GRIK1: variants seen among roughly 807,000 people sequenced by gnomAD.
The protein encoded by GRIK1 is glutamate receptor ionotropic, kainate 1.
GRIK1 carries 69 observed loss-of-function variants against 105.7 expected under a neutral mutation model. That is an observed-to-expected ratio of 0.65 (90% CI 0.54 to 0.80). GRIK1 has a LOEUF of 0.80. Among genes scored for constraint, GRIK1 ranks in the 30% least tolerant of loss-of-function variants. The pLI, the probability that GRIK1 is intolerant of heterozygous loss-of-function variation, is 0.00. For missense variants in GRIK1, 1,109 were observed against 1,167.3 expected, an observed-to-expected ratio of 0.95 and a Z score of 0.73; for synonymous variants, 438 against 431.3, an observed-to-expected ratio of 1.02 and a Z score of -0.19.
At chr21:29,631,253 A>G (rs1183578046) in intron 7 of GRIK1, among the ~76,000 whole-genome samples, 1 of 152,192 alleles carries the variant, frequency 6.6e-6, no homozygotes, top group Non-Finnish European at 1.5e-5. Context: ...CCCCACATTT[A>G]TATGTTGAAG....
chr21:29,914,654 G>A (rs1276233655), intron 1 of GRIK1, among the ~76,000 whole-genome samples: 1 of 152,098 alleles, frequency 6.6e-6, no homozygotes, highest in Non-Finnish European at 1.5e-5. Context: ...TAGAAGTCAA[G>A]TATGCTCATA....
intron 6 of GRIK1, among the ~76,000 whole-genome samples, chr21:29,643,185 C>A (rs2062549891): frequency 6.6e-6 from 1 of 150,994 alleles, no homozygotes; most frequent in Admixed American, 6.6e-5. Context: ...TGCTTCGTTT[C>A]AAGTTCTTTA....
chr21:29,620,741 A>G lies in GRIK1; in HGVS notation c.1099-21804T>C, dbSNP rs572084043. On this transcript the variant is annotated intron_variant, in intron 7 of 17. Transcript: ENST00000327783. ...CAGGATGTGTTTTACCTTCTTCTCT[A>G]GTCTAAGTTACATAAATGGTATGAA... Among the ~76,000 whole-genome samples the G allele has an allele frequency of 2.7e-4, 40 of 146,262 alleles. No individual in the cohort carries two copies. In the South Asian group the frequency reaches 8.6e-3, roughly 31 times the overall value.
chr21:29,650,234 A>G (rs1461421374), intron 6 of GRIK1, among the ~76,000 whole-genome samples: 4 of 151,488 alleles, frequency 2.6e-5, no homozygotes, highest in Admixed American at 6.6e-5. Flanking sequence ...GAAAAAGGGG[A>G]AAAAAATCCC....
chr21:29,597,537 T>G (rs1175152566), intron 8 of GRIK1: 2 of 299,648 alleles, frequency 6.7e-6, no homozygotes, highest in African/African-American at 2.2e-5. Flanking sequence ...TTTTAGATCA[T>G]AACAAGTATT....
chr21:29,667,894 C>T (rs2063090913), intron 4 of GRIK1, among the ~76,000 whole-genome samples: 1 of 152,194 alleles, frequency 6.6e-6, no homozygotes, highest in Admixed American at 6.5e-5. Context: ...AGTGAAATCA[C>T]AGGCTCAAAT....
intron 1 of GRIK1, among the ~76,000 whole-genome samples, chr21:29,880,702 C>T (rs2069375682): frequency 6.6e-6 from 1 of 151,516 alleles, no homozygotes; most frequent in Non-Finnish European, 1.5e-5. Flanking sequence ...AGTGTCTTTT[C>T]ACATATGATA....
At position 29,897,352 on chromosome 21, in the gene GRIK1, G is replaced by A. The variant is rs139359939; in HGVS notation, c.118+42031C>T. On this transcript the variant is annotated intron_variant, in intron 1 of 17. Transcript: ENST00000327783. The stretch of plus-strand genomic sequence containing the variant: ...GAAATTGACATGGAATGATCCTGAC[G>A]TTGAAATATTATCTTAAAATCTTGA... 2.5e-3 allele frequency among the ~76,000 whole-genome samples: 386 copies of A among 152,264 alleles called. 1 individual carries two copies. The highest frequency in any genetic ancestry group is 9.0e-3 in the African/African-American group (373 of 41,560).
At chr21:29,765,830 G>A (rs1307204273) in intron 1 of GRIK1, among the ~76,000 whole-genome samples, 1 of 151,682 alleles carries the variant, frequency 6.6e-6, no homozygotes, top group Non-Finnish European at 1.5e-5. Context: ...GTTCTTGTCA[G>A]CTTAAATTTT....
chr21:29,620,525 C>A (rs891506504), intron 7 of GRIK1, among the ~76,000 whole-genome samples: 1 of 151,994 alleles, frequency 6.6e-6, no homozygotes, highest in Non-Finnish European at 1.5e-5. Flanking sequence ...CAAAGCACTT[C>A]GTTAGACTTG....
chr21:29,653,176 A>G (rs1322986117), intron 5 of GRIK1, among the ~76,000 whole-genome samples: 1 of 152,226 alleles, frequency 6.6e-6, no homozygotes, highest in Non-Finnish European at 1.5e-5. Context: ...GACCCAGGCA[A>G]AAATGAGTCC....
In GRIK1 at chr21:29,561,357, TG is replaced by T. The variant is rs146367687; in HGVS notation, c.2356+266del. On this transcript the variant is annotated intron_variant, in intron 15 of 17. Transcript: ENST00000327783. ...AGAAATATATTCTCTTTAAGATATT[TG>T]GGGTGAAATAATAAAATCTATATAT... 3.8e-3 allele frequency among the ~76,000 whole-genome samples: 573 copies of T among 152,302 alleles called. 9 individuals are homozygous for T. The highest frequency in any genetic ancestry group is 0.013 in the African/African-American group (539 of 41,556).
intron 1 of GRIK1, among the ~76,000 whole-genome samples, chr21:29,824,879 G>T (rs750332298): frequency 1.2e-4 from 18 of 152,128 alleles, no homozygotes; most frequent in Non-Finnish European, 2.4e-4. Flanking sequence ...AAGGGGCAAG[G>T]TCAAAAACAT....
At chr21:29,540,970 ATTTTT>A (rs3054285) in intron 16 of GRIK1, among the ~76,000 whole-genome samples, 5 of 134,626 alleles carry the variant, frequency 3.7e-5, no homozygotes, top group Non-Finnish European at 4.8e-5. Context: ...CTTGCACTTG[ATTTTT>A]TTTTTTTTTT....
chr21:29,687,835 C>A (rs779885179), intron 3 of GRIK1, among the ~76,000 whole-genome samples: 1 of 152,192 alleles, frequency 6.6e-6, no homozygotes, highest in Non-Finnish European at 1.5e-5. Flanking sequence ...TTTAGTTGAA[C>A]TCTTTCTTAA....
chr21:29,620,814 T>G (rs180708646), intron 7 of GRIK1, among the ~76,000 whole-genome samples: 4,691 of 106,352 alleles, frequency 0.044, 142 homozygotes, highest in Admixed American at 0.11. Flanking sequence ...TAGATATATA[T>G]ATATAGTAAT....
intron 6 of GRIK1, among the ~76,000 whole-genome samples, chr21:29,645,100 A>G (rs2062591308): frequency 6.6e-6 from 1 of 152,202 alleles, no homozygotes; most frequent in African/African-American, 2.4e-5. Flanking sequence ...ATATTCACTG[A>G]TAATTTACTA....
chr21:29,646,429 G>T (rs17764804), intron 6 of GRIK1, among the ~76,000 whole-genome samples: 2 of 152,026 alleles, frequency 1.3e-5, no homozygotes, highest in Non-Finnish European at 1.5e-5. Flanking sequence ...TTTTTCCTTC[G>T]CTGATTTTAC....
At chr21:29,721,669 A>G (rs1383438476) in intron 1 of GRIK1, among the ~76,000 whole-genome samples, 1 of 152,204 alleles carries the variant, frequency 6.6e-6, no homozygotes, top group African/African-American at 2.4e-5. Flanking sequence ...CAAGTTTAAA[A>G]TACACAAGCA....
Sources: allele counts gnomAD v4.1 joint callset (sites outside exome capture counted in the v4.1 genomes callset), GRCh38; gene constraint gnomAD v4.1.1; transcripts MANE v1.5; gene names NCBI Gene and HGNC (gene_info 2026-07-23, HGNC 2026-07-21).